STAC: variants seen among roughly 807,000 people sequenced by gnomAD.
The protein encoded by STAC is SH3 and cysteine-rich domain-containing protein.
In STAC, 43 loss-of-function variants were observed where a neutral mutation model predicts 48.8. That is an observed-to-expected ratio of 0.88 (90% CI 0.69 to 1.14). The LOEUF (loss-of-function observed/expected upper bound fraction) is 1.14, where lower values mean the gene tolerates loss of function less well. Among genes scored for constraint, STAC ranks in the 50% most tolerant of loss-of-function variants. STAC has a pLI of 0.00. For synonymous variants in STAC, 193 were observed against 179.5 expected (o/e 1.07, Z -0.60); for missense variants, 497 against 504.0 (o/e 0.99, Z 0.13).
At chr3:36,483,123 A>G in intron 3 of STAC, 31 bp downstream of exon 3, 1 of 1,515,806 alleles carries the variant, frequency 6.6e-7, no homozygotes, top group Non-Finnish European at 9.2e-7. Context: ...TGAGGCCCAC[A>G]CCTCTCTGCT....
intron 10 of STAC, among the ~76,000 whole-genome samples, chr3:36,540,736 A>G (rs1006151940): frequency 6.6e-6 from 1 of 151,970 alleles, no homozygotes; most frequent in African/African-American, 2.4e-5. Flanking sequence ...CCTATAGAAA[A>G]AGCAAAGAAA....
chr3:36,429,565 C>A (rs1429587626), intron 1 of STAC, among the ~76,000 whole-genome samples: 2 of 152,152 alleles, frequency 1.3e-5, no homozygotes, highest in Non-Finnish European at 2.9e-5. Context: ...CCTCCCCTTG[C>A]ATGTCCCTGG....
chr3:36,485,581 G>A (rs1479218001), intron 4 of STAC, among the ~76,000 whole-genome samples: 2 of 152,038 alleles, frequency 1.3e-5, no homozygotes, highest in Non-Finnish European at 2.9e-5. Flanking sequence ...GCTTTGGCTT[G>A]GATTCTTCTC....
chr3:36,487,140 C>A (rs1285222824), intron 5 of STAC, among the ~76,000 whole-genome samples: 1 of 152,224 alleles, frequency 6.6e-6, no homozygotes, highest in Non-Finnish European at 1.5e-5. Flanking sequence ...GGGAGGGGTT[C>A]TCAGAGACTG....
At chr3:36,468,222 G>A (rs981323653) in intron 2 of STAC, among the ~76,000 whole-genome samples, 4 of 151,890 alleles carry the variant, frequency 2.6e-5, no homozygotes, top group African/African-American at 9.7e-5. Flanking sequence ...GAGAGTACTT[G>A]ATATAGTTTT....
At chr3:36,524,158 G>A (rs938573428) in intron 8 of STAC, among the ~76,000 whole-genome samples, 2 of 152,162 alleles carry the variant, frequency 1.3e-5, no homozygotes, top group Admixed American at 1.3e-4. Context: ...TGGGACATTA[G>A]GGGTGGTACA....
chr3:36,542,507 T>C (rs539261173), intron 10 of STAC, among the ~76,000 whole-genome samples: 2 of 152,182 alleles, frequency 1.3e-5, no homozygotes, highest in Non-Finnish European at 2.9e-5. Context: ...TACTTCAAAG[T>C]GTCCCAGTCT....
At chr3:36,463,033 C>G (rs577750072) in intron 2 of STAC, among the ~76,000 whole-genome samples, 1 of 152,194 alleles carries the variant, frequency 6.6e-6, no homozygotes, top group South Asian at 2.1e-4. Flanking sequence ...GATCATGTGA[C>G]TCTTCTTTCT....
At chr3:36,515,972 CTCCTT>C (rs1344983079) in intron 8 of STAC, among the ~76,000 whole-genome samples, 14 of 124,284 alleles carry the variant, frequency 1.1e-4, no homozygotes, top group African/African-American at 4.1e-4. Context: ...TTTCATTTTT[CTCCTT>C]TTTTTTTTTT....
At chr3:36,520,049 T>C (rs1698764267) in intron 8 of STAC, among the ~76,000 whole-genome samples, 2 of 152,200 alleles carry the variant, frequency 1.3e-5, no homozygotes, top group Admixed American at 1.3e-4. Flanking sequence ...TCTGAAAGGA[T>C]ATGCCAGACG....
intron 2 of STAC, among the ~76,000 whole-genome samples, chr3:36,469,728 G>T (rs1697273698): frequency 2.6e-5 from 4 of 151,886 alleles, no homozygotes; most frequent in Admixed American, 1.3e-4. Flanking sequence ...TTCAGGTTTG[G>T]ATGTCCCAAA....
At chr3:36,521,105 TC>T (rs1338909156) in intron 8 of STAC, among the ~76,000 whole-genome samples, 2 of 152,034 alleles carry the variant, frequency 1.3e-5, no homozygotes, top group Admixed American at 1.3e-4. Context: ...TTTGGCTGGC[TC>T]CTTTTTCTGC....
intron 1 of STAC, among the ~76,000 whole-genome samples, chr3:36,394,934 A>G (rs1402608753): frequency 2.0e-5 from 3 of 151,906 alleles, no homozygotes; most frequent in Admixed American, 6.6e-5. Context: ...AATCAACAAG[A>G]GTTCCTATGA....
intron 1 of STAC, among the ~76,000 whole-genome samples, chr3:36,393,458 G>A (rs114226791): frequency 0.018 from 2,741 of 152,076 alleles, 36 homozygotes; most frequent in Middle Eastern, 0.037. Context: ...CTAAATAGAA[G>A]AGTACTTGTG....
intron 2 of STAC, among the ~76,000 whole-genome samples, chr3:36,464,639 CT>C (rs1422901069): frequency 6.6e-6 from 1 of 152,092 alleles, no homozygotes; most frequent in African/African-American, 2.4e-5. Context: ...TTTCTTATGC[CT>C]TTGCCTTTTC....
At chr3:36,537,788 A>T (rs1168485316) in intron 10 of STAC, among the ~76,000 whole-genome samples, 1 of 152,138 alleles carries the variant, frequency 6.6e-6, no homozygotes, top group Non-Finnish European at 1.5e-5. Context: ...AAAATTAACT[A>T]AGTCCATAAA....
intron 5 of STAC, among the ~76,000 whole-genome samples, chr3:36,487,572 T>C (rs1697847806): frequency 6.6e-6 from 1 of 152,212 alleles, no homozygotes; most frequent in South Asian, 2.1e-4. Flanking sequence ...GTCATAGCTT[T>C]TACCCTTAGA....
chr3:36,443,742 CA>C lies in STAC; in HGVS notation c.388+103del, dbSNP rs1696426859. 5 of 1,410,520 alleles carry C rather than the reference CA, an allele frequency of 3.5e-6. No homozygotes were observed. The highest frequency in any genetic ancestry group is 4.8e-6 in the Non-Finnish European group (5 of 1,035,402). The allele number at this position is 1,410,520 out of a possible 1,614,324, so 87.4% of individuals were successfully genotyped here. ...GTACCTACGGACAGATGCTAGGCCT[CA>C]GAGATTTACATGTGGGAAGATCATT... On this transcript the variant is annotated intron_variant, in intron 2 of 10. Transcript: ENST00000273183. The surrounding 1 kb of genome is among the most constrained non-coding windows in gnomAD (Gnocchi z 4.2).
chr3:36,389,780 C>A (rs1699710463), intron 1 of STAC, among the ~76,000 whole-genome samples: 1 of 152,146 alleles, frequency 6.6e-6, no homozygotes, highest in South Asian at 2.1e-4. Flanking sequence ...TTTCCTGTCC[C>A]TCACTTCCCA....
Sources: gnomAD v4.1 joint callset for allele counts (sites outside exome capture counted in the v4.1 genomes callset) on GRCh38, gnomAD v4.1.1 for gene constraint, Gnocchi (gnomAD v3.1) non-coding constraint, MANE v1.5 for transcripts, NCBI Gene and HGNC (gene_info 2026-07-23, HGNC 2026-07-21) for gene names.